PDE4B: variants seen among roughly 807,000 people sequenced by gnomAD.
The protein encoded by PDE4B is 3',5'-cyclic-AMP phosphodiesterase 4B.
A neutral mutation model predicts 82.2 loss-of-function variants in PDE4B; 20 were observed. The observed-to-expected ratio is 0.24, with a 90% CI of 0.17 to 0.35. The LOEUF is 0.35. Among genes scored for constraint, PDE4B ranks in the 10% least tolerant of loss-of-function variants. PDE4B has a pLI of 1.00. For synonymous variants in PDE4B, 320 were observed against 318.9 expected, an observed-to-expected ratio of 1.00 and a Z score of -0.04; for missense variants, 655 against 907.2, an observed-to-expected ratio of 0.72 and a Z score of 3.57.
chr1:65,890,089 A>G (rs1236113664), intron 1 of PDE4B, among the ~76,000 whole-genome samples: 1 of 152,108 alleles, frequency 6.6e-6, no homozygotes, highest in East Asian at 1.9e-4. Context: ...TAGAACTGCT[A>G]ATCTTATAAT....
chr1:65,823,708 A>G (rs964314188), intron 1 of PDE4B, among the ~76,000 whole-genome samples: 2 of 152,216 alleles, frequency 1.3e-5, no homozygotes, highest in Admixed American at 1.3e-4. Flanking sequence ...TGCAAGTAAC[A>G]TCTGAACGTC....
chr1:65,975,137 G>A (rs1650341444), intron 3 of PDE4B, among the ~76,000 whole-genome samples: 1 of 152,196 alleles, frequency 6.6e-6, no homozygotes, highest in Non-Finnish European at 1.5e-5. Flanking sequence ...GGACAATGAA[G>A]TCTAGGCTGA....
chr1:65,892,086 C>T (rs1211830144), intron 1 of PDE4B, among the ~76,000 whole-genome samples: 1 of 152,044 alleles, frequency 6.6e-6, no homozygotes, highest in East Asian at 1.9e-4. Context: ...AATTTTGATT[C>T]CTTGCTTTTA....
chr1:66,204,106 G>T (rs1159307319), intron 3 of PDE4B, among the ~76,000 whole-genome samples: 2 of 152,208 alleles, frequency 1.3e-5, no homozygotes, highest in Admixed American at 1.3e-4. Flanking sequence ...GTTTGCTAGA[G>T]GTCCATTCCA....
rs1351829139 is a variant in PDE4B at position 66,118,335 on chromosome 1, T to C, written c.282-129125T>C. Among the ~76,000 whole-genome samples the C allele has an allele frequency of 2.6e-5, 4 of 152,124 alleles. No homozygotes were observed. In the South Asian group the frequency reaches 8.3e-4, roughly 31 times the overall value. ...TGGAACCAACCCAAATGTCCAACAA[T>C]GATAGACTGAATTAAGAAAATGTGG... On this transcript the variant is annotated intron_variant, in intron 3 of 16. Transcript: ENST00000341517.
intron 1 of PDE4B, among the ~76,000 whole-genome samples, chr1:65,794,477 G>A (rs918561586): frequency 6.6e-6 from 1 of 152,098 alleles, no homozygotes; most frequent in Non-Finnish European, 1.5e-5. Flanking sequence ...GTGTAGGTAG[G>A]GGTCTAGAAT....
chr1:66,288,313 A>G (rs1202615617), intron 7 of PDE4B, among the ~76,000 whole-genome samples: 1 of 152,104 alleles, frequency 6.6e-6, no homozygotes, highest in Non-Finnish European at 1.5e-5. Context: ...ACCATTGATG[A>G]GAAAACCAAC....
At chr1:65,901,166 G>A (rs1646968312) in intron 1 of PDE4B, among the ~76,000 whole-genome samples, 1 of 152,024 alleles carries the variant, frequency 6.6e-6, no homozygotes, top group Admixed American at 6.6e-5. Context: ...TTCATGAAGG[G>A]ATGTTGGATT....
In PDE4B at chr1:66,361,521, TA is replaced by T. The variant is rs1222586293; in HGVS notation, c.842-91del. 1.3e-5 allele frequency: 12 copies of T among 928,402 alleles called. No individual in the cohort carries two copies. The East Asian group carries it at 2.4e-4, about 19-fold the overall frequency. The allele number at this position is 928,402 out of a possible 1,614,324, so 57.5% of individuals were successfully genotyped here. On this transcript the variant is annotated intron_variant, in intron 9 of 16. Transcript: ENST00000341517. ...TACAAGATTTTATTTTATAAGATTC[TA>T]AAGCTGTTATAGATGGTTAGAGTTG...
chr1:66,192,915 C>A (rs1300086155), intron 3 of PDE4B, among the ~76,000 whole-genome samples: 1 of 152,046 alleles, frequency 6.6e-6, no homozygotes, highest in African/African-American at 2.4e-5. Context: ...GATGAAGAAA[C>A]AAAAAGTTTA....
chr1:65,957,287 T>A (rs1168864371), intron 3 of PDE4B, among the ~76,000 whole-genome samples: 2 of 152,100 alleles, frequency 1.3e-5, no homozygotes, highest in African/African-American at 2.4e-5. Context: ...TTTATAAATA[T>A]CTTTTCCTAT....
chr1:66,327,824 A>G (rs1659842814), intron 7 of PDE4B, among the ~76,000 whole-genome samples: 1 of 152,216 alleles, frequency 6.6e-6, no homozygotes, highest in Admixed American at 6.5e-5. Flanking sequence ...CAGTTATGCA[A>G]TTTTAAATGG....
chr1:66,347,498 T>C (rs557556500), intron 8 of PDE4B, among the ~76,000 whole-genome samples: 2 of 152,340 alleles, frequency 1.3e-5, no homozygotes, highest in East Asian at 3.9e-4. Flanking sequence ...GATAATAATA[T>C]ATATGCTTTC....
chr1:66,187,212 A>C (rs2101446925), intron 3 of PDE4B, among the ~76,000 whole-genome samples: 2 of 151,896 alleles, frequency 1.3e-5, no homozygotes, highest in Middle Eastern at 6.8e-3. Flanking sequence ...AAGCTTTTTG[A>C]TGTGCTGCTG....
intron 3 of PDE4B, among the ~76,000 whole-genome samples, chr1:66,113,757 T>C (rs1645536344): frequency 6.6e-6 from 1 of 152,206 alleles, no homozygotes; most frequent in Admixed American, 6.5e-5. Context: ...GAGGAATTCC[T>C]AGAAATAGCT....
intron 1 of PDE4B, among the ~76,000 whole-genome samples, chr1:65,808,599 C>T (rs1645783200): frequency 6.6e-6 from 1 of 152,188 alleles, no homozygotes; most frequent in South Asian, 2.1e-4. Context: ...ACACTGTGAA[C>T]TTTGAGCATA....
intron 3 of PDE4B, among the ~76,000 whole-genome samples, chr1:66,207,586 T>A (rs1000793226): frequency 6.6e-6 from 1 of 152,134 alleles, no homozygotes; most frequent in Non-Finnish European, 1.5e-5. Context: ...CAAATTTGGG[T>A]TTCTTTCTAA....
intron 3 of PDE4B, among the ~76,000 whole-genome samples, chr1:65,985,422 T>A (rs1650905862): frequency 6.6e-6 from 1 of 152,120 alleles, no homozygotes; most frequent in South Asian, 2.1e-4. Flanking sequence ...AATACTATGT[T>A]ATTTTTTTCT....
chr1:66,304,814 C>T (rs555667675), intron 7 of PDE4B, among the ~76,000 whole-genome samples: 1 of 152,258 alleles, frequency 6.6e-6, no homozygotes, highest in Non-Finnish European at 1.5e-5. Context: ...TGCTATAGGA[C>T]ATTACTAAAA....
Sources: allele counts gnomAD v4.1 joint callset (sites outside exome capture counted in the v4.1 genomes callset), GRCh38; gene constraint gnomAD v4.1.1; transcripts MANE v1.5; gene names NCBI Gene and HGNC (gene_info 2026-07-23, HGNC 2026-07-21).